The following LHFPL4 variants were observed in gnomAD, a reference collection of about 807,000 sequenced individuals.
LHFPL4 encodes the protein LHFPL tetraspan subfamily member 4, also known as LHFPL tetraspan subfamily member 4 protein.
Under a neutral mutation model 20.0 loss-of-function variants are expected in LHFPL4, and 6 were observed. The observed-to-expected ratio is 0.30, with a 90% CI of 0.16 to 0.59. The LOEUF (loss-of-function observed/expected upper bound fraction) is 0.59. Ranked by LOEUF, LHFPL4 falls within the 20% of genes least tolerant of loss-of-function variation. The probability of loss-of-function intolerance (pLI) is 0.88; values close to 1 mark genes in which losing one functional copy is unlikely to be tolerated. For missense variants in LHFPL4, 215 were observed against 331.2 expected (o/e 0.65, Z 2.72); for synonymous variants, 129 against 143.8 (o/e 0.90, Z 0.74).
intron 2 of LHFPL4, among the ~76,000 whole-genome samples, chr3:9,523,094 G>GAAAGAAAGAA (rs763533157): frequency 1.3e-4 from 11 of 83,428 alleles, no homozygotes; most frequent in East Asian, 3.6e-4. Context: ...GAAAGAAAGA[G>GAAAGAAAGAA]AGAGAGAGAG....
rs1297723391 is a variant in LHFPL4, at chr3:9,552,208, G to C, written c.406+66C>G. ...ATCTATCCGACTCCTTCAGGAAGGG[G>C]ACCTGGCAGGAAGGAGCCCCGTCCC... is the stretch of plus-strand genomic sequence containing the variant. On this transcript the variant is annotated intron_variant, in intron 2 of 3. Transcript: ENST00000287585. The C allele has an allele frequency of 2.6e-6, 4 of 1,527,560 alleles. No homozygotes were observed. In the Admixed American group the frequency reaches 8.3e-5, roughly 32 times the overall value. 94.6% of individuals were successfully genotyped at this position (1,527,560 alleles called of 1,614,324 possible).
chr3:9,553,165 G>A (rs1344878033), intron 1 of LHFPL4, among the ~76,000 whole-genome samples: 1 of 151,762 alleles, frequency 6.6e-6, no homozygotes, highest in African/African-American at 2.4e-5. Context: ...CTGGTATTAA[G>A]GGGTAGAAGG....
rs777380404 is a variant in LHFPL4 at position 9,502,330 on chromosome 3, G to GAC, written c.644-20_644-19insGT. 5 of 1,514,942 alleles carry GAC rather than the reference G, an allele frequency of 3.3e-6. No individual in the cohort carries two copies. Among genetic ancestry groups the GAC allele is most frequent in the Non-Finnish European group, 4.6e-6 (5 of 1,090,616 alleles). The allele number at this position is 1,514,942 out of a possible 1,614,324, so 93.8% of individuals were successfully genotyped here. ...ACAAAATCTAAGAGAGAGAGAGAGA[G>GAC]AGAGAAGGAGAGAGAATTAGAGAAA... On this transcript the variant is annotated intron_variant, in intron 3 of 3. Transcript: ENST00000287585.
intron 2 of LHFPL4, among the ~76,000 whole-genome samples, chr3:9,531,801 G>GAAAGAAAAGAAAAGAAAAGA (rs58150564): frequency 7.6e-4 from 113 of 148,352 alleles, no homozygotes; most frequent in African/African-American, 2.8e-3. Context: ...CTCCATCTCA[G>GAAAGAAAAGAAAAGAAAAGA]AAAGAAAAGA....
chr3:9,519,239 T>C (rs1225889434), intron 2 of LHFPL4, among the ~76,000 whole-genome samples: 1 of 151,896 alleles, frequency 6.6e-6, no homozygotes, highest in African/African-American at 2.4e-5. Flanking sequence ...GCACCCAACC[T>C]AATTTTTGTA....
Position 9,506,122 on chromosome 3 carries a change from G to A in LHFPL4, c.488C>T (p.Thr163Met), listed in dbSNP as rs775705387. The A allele has an allele frequency of 2.5e-6, 4 of 1,614,148 alleles. No homozygotes were observed. Among genetic ancestry groups the A allele is most frequent in the Non-Finnish European group, 3.4e-6 (4 of 1,180,032 alleles). Reference sequence around the variant, plus strand: ...ACAGTCCCCCAGGGAGTACTTCCCCGTCTTGGCCCCACACATGTCCCGGAT... The same window carrying A: ...ACAGTCCCCCAGGGAGTACTTCCCCATCTTGGCCCCACACATGTCCCGGAT... Reference protein sequence around the residue: ...ETIRDMCGAKTGKYSLGDCSV... With the variant: ...ETIRDMCGAKMGKYSLGDCSV... Residue 163 changes from threonine to methionine, a missense_variant, in exon 3 of 4, where the codon ACG becomes ATG. Coordinates refer to ENST00000287585, the MANE Select transcript of LHFPL4 (RefSeq NM_198560.3). This position sits in a 1 kb window ranked among gnomAD's most constrained non-coding sequence, Gnocchi z 4.5.
Position 9,507,484 on chromosome 3 carries a change from C to T in LHFPL4, c.407-1281G>A, listed in dbSNP as rs150266915. Reference sequence around the variant, plus strand: ...ATGGAAGGCAGCAAAGTGTAAAGTGCCTGGCACAGTAAGTTCTGGGTAAAT... The same window carrying T: ...ATGGAAGGCAGCAAAGTGTAAAGTGTCTGGCACAGTAAGTTCTGGGTAAAT... On this transcript the variant is annotated intron_variant, in intron 2 of 3. Coordinates refer to ENST00000287585, the MANE Select transcript of LHFPL4 (RefSeq NM_198560.3). Among the ~76,000 whole-genome samples the T allele has an allele frequency of 7.9e-3, 1,208 of 152,342 alleles. 5 individuals carry two copies. The highest frequency in any genetic ancestry group is 0.014 in the Non-Finnish European group (930 of 68,020).
chr3:9,542,011 C>T (rs975319188), intron 2 of LHFPL4, among the ~76,000 whole-genome samples: 5 of 152,048 alleles, frequency 3.3e-5, no homozygotes, highest in African/African-American at 1.2e-4. Flanking sequence ...CAAGGCCAGG[C>T]GTGGTGACTC....
At chr3:9,505,917 A>G (rs202037186) in intron 3 of LHFPL4, 50 bp downstream of exon 3, 4 of 1,528,578 alleles carry the variant, frequency 2.6e-6, no homozygotes, top group Non-Finnish European at 9.1e-7. Flanking sequence ...CCTGCCTCCC[A>G]GGACCAGGCC....
intron 2 of LHFPL4, among the ~76,000 whole-genome samples, chr3:9,521,276 G>A (rs1360507169): frequency 2.0e-5 from 3 of 148,840 alleles, no homozygotes; most frequent in Non-Finnish European, 4.4e-5. Context: ...CCAGGCTGGA[G>A]TGCAGTGGTA....
chr3:9,544,404 C>A (rs563853935), intron 2 of LHFPL4, among the ~76,000 whole-genome samples: 2 of 152,122 alleles, frequency 1.3e-5, no homozygotes, highest in South Asian at 4.2e-4. Context: ...GTAGGTGGAT[C>A]ACCCAAGGTC....
chr3:9,502,912 G>A (rs1466782704), intron 3 of LHFPL4, among the ~76,000 whole-genome samples: 1 of 152,136 alleles, frequency 6.6e-6, no homozygotes, highest in African/African-American at 2.4e-5. Flanking sequence ...CAAGGACTTG[G>A]CAGTGTTTGG....
chr3:9,527,768 C>T (rs546302246), intron 2 of LHFPL4, among the ~76,000 whole-genome samples: 49 of 147,872 alleles, frequency 3.3e-4, no homozygotes, highest in Non-Finnish European at 6.2e-4. Flanking sequence ...TTTTAAAAAC[C>T]CAGAAAACCA....
intron 2 of LHFPL4, among the ~76,000 whole-genome samples, chr3:9,522,799 T>C (rs2046346858): frequency 6.6e-6 from 1 of 150,498 alleles, no homozygotes; most frequent in East Asian, 2.0e-4. Context: ...CCCAGCACTT[T>C]GGGAGGACAA....
At chr3:9,552,185 C>G in intron 2 of LHFPL4, 89 bp downstream of exon 2, 1 of 1,491,512 alleles carries the variant, frequency 6.7e-7, no homozygotes, top group Non-Finnish European at 9.0e-7. Context: ...GAAGCAGAAT[C>G]TATCCGACTC....
At chr3:9,531,490 G>C (rs987946913) in intron 2 of LHFPL4, among the ~76,000 whole-genome samples, 6 of 152,308 alleles carry the variant, frequency 3.9e-5, no homozygotes, top group African/African-American at 1.4e-4. Context: ...GAAGGAGGCA[G>C]GGAAGGAGAG....
chr3:9,528,921 CTTT>C (rs113439233), intron 2 of LHFPL4, among the ~76,000 whole-genome samples: 1 of 142,928 alleles, frequency 7.0e-6, no homozygotes, highest in Non-Finnish European at 1.5e-5. Context: ...AGCCCCCCAA[CTTT>C]TTTTTTTTTT....
chr3:9,548,258 G>A (rs2046530092), intron 2 of LHFPL4, among the ~76,000 whole-genome samples: 1 of 152,200 alleles, frequency 6.6e-6, no homozygotes, highest in African/African-American at 2.4e-5. Context: ...CCACAAGATT[G>A]TTGTGAGTAT....
intron 2 of LHFPL4, among the ~76,000 whole-genome samples, chr3:9,521,142 C>G (rs1039706979): frequency 6.6e-6 from 1 of 151,966 alleles, no homozygotes; most frequent in African/African-American, 2.4e-5. Flanking sequence ...TAATGACTCT[C>G]TTTATCCTTG....
Sources: gnomAD v4.1 joint callset for allele counts (sites outside exome capture counted in the v4.1 genomes callset) on GRCh38, gnomAD v4.1.1 for gene constraint, Gnocchi (gnomAD v3.1) non-coding constraint, MANE v1.5 for transcripts, NCBI Gene and HGNC (gene_info 2026-07-23, HGNC 2026-07-21) for gene names.